The following SASH1 variants were observed in gnomAD, a reference collection of about 807,000 sequenced individuals.
SASH1 encodes SAM and SH3 domain containing 1.
SASH1 carries 44 observed loss-of-function variants against 125.2 expected under a neutral mutation model. That is an observed-to-expected ratio of 0.35 (90% CI 0.28 to 0.45). The LOEUF (loss-of-function observed/expected upper bound fraction) is 0.45. SASH1 is among the 20% of genes least tolerant of loss of function. The pLI is 1.00. For missense variants in SASH1, 1,426 were observed against 1,614.5 expected, an observed-to-expected ratio of 0.88 and a Z score of 2.00; for synonymous variants, 639 against 649.1, an observed-to-expected ratio of 0.98 and a Z score of 0.24.
At chr6:148,353,154 G>A (rs1029911581) in intron 1 of SASH1, among the ~76,000 whole-genome samples, 4 of 151,280 alleles carry the variant, frequency 2.6e-5, no homozygotes, top group Non-Finnish European at 4.4e-5. Flanking sequence ...CTGCTGCCTC[G>A]CCTCCCTGTG....
At chr6:148,416,650 A>G (rs1304288875) in intron 2 of SASH1, among the ~76,000 whole-genome samples, 1 of 152,212 alleles carries the variant, frequency 6.6e-6, no homozygotes, top group Non-Finnish European at 1.5e-5. Flanking sequence ...CCAGCTCAGA[A>G]CAGTGGCTCT....
chr6:148,481,636 G>A (rs1381281000), intron 7 of SASH1, among the ~76,000 whole-genome samples: 1 of 152,168 alleles, frequency 6.6e-6, no homozygotes, highest in South Asian at 2.1e-4. Context: ...GCAGGAGGGA[G>A]AGAGATGGGA....
intron 1 of SASH1, among the ~76,000 whole-genome samples, chr6:148,343,713 T>C (rs577712740): frequency 6.6e-6 from 1 of 152,334 alleles, no homozygotes; most frequent in Admixed American, 6.5e-5. Flanking sequence ...AGGATATTTG[T>C]TTTATATGTT....
At chr6:148,282,587 G>A (rs1191639456) in intron 1 of SASH1, among the ~76,000 whole-genome samples, 1 of 151,830 alleles carries the variant, frequency 6.6e-6, no homozygotes, top group African/African-American at 2.4e-5. Context: ...TCACTGTGTT[G>A]GCCAGGCTGG....
intron 2 of SASH1, among the ~76,000 whole-genome samples, chr6:148,413,554 C>T (rs536591420): frequency 5.3e-5 from 8 of 152,170 alleles, no homozygotes; most frequent in Admixed American, 3.3e-4. Flanking sequence ...TTGTGGAATG[C>T]GGGCTCAAGA....
At chr6:148,237,672 G>A in the SASH1 span, 1 of 152,142 alleles carries the variant, frequency 6.6e-6, no homozygotes, top group African/African-American at 2.4e-5. Context: ...TCTCCCTCAT[G>A]GAGCTCACTT....
intron 1 of SASH1, among the ~76,000 whole-genome samples, chr6:148,298,855 G>A (rs1217863344): frequency 7.2e-6 from 1 of 139,400 alleles, no homozygotes; most frequent in Non-Finnish European, 1.6e-5. Flanking sequence ...AAGGAAGGAA[G>A]GGAAGGAGGG....
Position 148,519,637 on chromosome 6 carries a change from A to C in SASH1, c.953A>C (p.Asp318Ala). ...SGVHKKPLFF[D>A]GSPEKPPEDD... The stretch of plus-strand genomic sequence containing the variant: ...GTGCACAAGAAGCCCCTTTTCTTTG[A>C]TGGCTCTCCTGAGAAACCTCCCGAA... The change falls in exon 10 of 20, where the codon GAT becomes GCT. Residue 318 changes from aspartate to alanine, a missense_variant. Asp to Ala is a moderately radical substitution (Grantham distance 126). This residue lies in a region of SASH1 where 567 missense variants were observed against 575.6 expected (regional missense o/e 0.99). Coordinates refer to ENST00000367467, the MANE Select transcript of SASH1 (RefSeq NM_015278.5). This position sits in a 1 kb window ranked among gnomAD's most constrained non-coding sequence, Gnocchi z 4.8. 1 of 1,614,124 alleles carries C rather than the reference A, an allele frequency of 6.2e-7. No individual in the cohort carries two copies. Among genetic ancestry groups the C allele is most frequent in the East Asian group, 2.2e-5 (1 of 44,866 alleles).
At chr6:148,449,740 C>A (rs1777001965) in intron 4 of SASH1, among the ~76,000 whole-genome samples, 1 of 152,142 alleles carries the variant, frequency 6.6e-6, no homozygotes, top group Non-Finnish European at 1.5e-5. Context: ...GGTTCTGCAG[C>A]CTGGGAAGTT....
At chr6:148,210,055 A>C in the SASH1 span, among the ~76,000 whole-genome samples, 1 of 152,202 alleles carries the variant, frequency 6.6e-6, no homozygotes, top group Non-Finnish European at 1.5e-5. Context: ...CACATATTGA[A>C]ATTATGAAAC....
chr6:148,316,706 T>A (rs1322620260), intron 1 of SASH1, among the ~76,000 whole-genome samples: 9 of 152,202 alleles, frequency 5.9e-5, no homozygotes, highest in Admixed American at 5.9e-4. Context: ...TTATGAAATG[T>A]TTTGCTGTTT....
At chr6:148,517,432 CA>C (rs1245496336) in intron 9 of SASH1, among the ~76,000 whole-genome samples, 2 of 152,202 alleles carry the variant, frequency 1.3e-5, no homozygotes, top group Admixed American at 1.3e-4. Context: ...AAGCAAATCA[CA>C]GCAAATGTGA....
At chr6:148,343,293 C>T in intron 1 of SASH1, 70 bp downstream of exon 1, 1 of 1,469,180 alleles carries the variant, frequency 6.8e-7, no homozygotes, top group African/African-American at 1.4e-5. Context: ...CCGGGGGCTC[C>T]CTTCTCGCCC....
At chr6:148,437,560 G>A (rs2114995302) in intron 2 of SASH1, among the ~76,000 whole-genome samples, 1 of 152,238 alleles carries the variant, frequency 6.6e-6, no homozygotes, top group East Asian at 1.9e-4. Flanking sequence ...TTTCTGAAAA[G>A]TAGCTAAACA....
chr6:148,490,013 TAAAAAAAA>T (rs57304766), intron 8 of SASH1, among the ~76,000 whole-genome samples: 1 of 124,978 alleles, frequency 8.0e-6, no homozygotes, highest in Admixed American at 8.8e-5. Context: ...ATCCTGTCTT[TAAAAAAAA>T]AAAAAAAAAA....
intron 1 of SASH1, among the ~76,000 whole-genome samples, chr6:148,345,873 C>T (rs1781505769): frequency 6.6e-6 from 1 of 152,164 alleles, no homozygotes; most frequent in Non-Finnish European, 1.5e-5. Flanking sequence ...CCATAGTTAA[C>T]TCTCAGATGA....
At chr6:148,332,209 A>T (rs894400833) in intron 1 of SASH1, among the ~76,000 whole-genome samples, 1 of 152,180 alleles carries the variant, frequency 6.6e-6, no homozygotes, top group Middle Eastern at 3.4e-3. Context: ...GAAAAAAAAA[A>T]TGGTGTGGAT....
chr6:148,445,313 G>T (rs1201891065), intron 4 of SASH1, among the ~76,000 whole-genome samples: 1 of 152,182 alleles, frequency 6.6e-6, no homozygotes, highest in East Asian at 1.9e-4. Context: ...CCAGTTCAAG[G>T]TGGAGACGCT....
chr6:148,493,471 C>T (rs185234223), intron 8 of SASH1, among the ~76,000 whole-genome samples: 175 of 152,262 alleles, frequency 1.1e-3, no homozygotes, highest in African/African-American at 3.9e-3. Flanking sequence ...TGTTTTCTAT[C>T]GATTCCTTTC....
Sources: gnomAD v4.1 joint callset for allele counts (sites outside exome capture counted in the v4.1 genomes callset) on GRCh38, gnomAD v4.1.1 for gene constraint, gnomAD v4.1.1 regional missense constraint, Gnocchi (gnomAD v3.1) non-coding constraint, MANE v1.5 for transcripts, NCBI Gene and HGNC (gene_info 2026-07-23, HGNC 2026-07-21) for gene names.